POPDC3: variants seen among roughly 807,000 people sequenced by gnomAD.
POPDC3 encodes the protein popeye domain-containing protein 3.
Under a neutral mutation model 28.2 loss-of-function variants are expected in POPDC3, and 20 were observed. The observed-to-expected ratio is 0.71, with a 90% CI of 0.50 to 1.03. POPDC3 has a LOEUF of 1.03. Among genes scored for constraint, POPDC3 ranks in the 50% least tolerant of loss-of-function variants. The pLI is 0.00. For missense variants in POPDC3, 316 were observed against 345.9 expected (o/e 0.91, Z 0.69); for synonymous variants, 118 against 124.1 (o/e 0.95, Z 0.33).
chr6:105,168,951 G>A (rs1226826823), intron 1 of POPDC3: 1 of 152,176 alleles, frequency 6.6e-6, no homozygotes, highest in Non-Finnish European at 1.5e-5. Flanking sequence ...GCTTGGAAGA[G>A]GACCCCAAAC....
rs1026393141 is a variant in POPDC3 at position 105,179,076 on chromosome 6, A to C, written c.-252+757T>G. The C allele has an allele frequency of 3.0e-6, 3 of 985,344 alleles. No individual in the cohort carries two copies. In the African/African-American group the frequency reaches 5.2e-5, roughly 17 times the overall value. The allele number at this position is 985,344 out of a possible 1,614,324, so 61.0% of individuals were successfully genotyped here. A position where few individuals can be genotyped will look rare whatever the true frequency, so the allele number is the denominator to read the frequency against. ...ACTTTCTGCAAATGTCTTCTGGCTA[A>C]ATTTTTGGCACTGCCCCTCTTACTG... On this transcript the variant is annotated intron_variant, in intron 1 of 3. Transcript: ENST00000254765.
Position 105,158,734 on chromosome 6 carries a change from T to G in POPDC3, c.612A>C (p.Glu204Asp). 2 of 1,611,524 alleles carry G rather than the reference T, an allele frequency of 1.2e-6. No individual in the cohort carries two copies. The highest frequency in any genetic ancestry group is 1.7e-6 in the Non-Finnish European group (2 of 1,178,094). The stretch of plus-strand genomic sequence containing the variant: ...TCCAAGACACATATCGACAATCAGT[T>G]TCTGCAGTGAGGGTTACCTAAAAAA... ...EGIFQVTLTA[E>D]TDCRYVSWRR... Residue 204 changes from glutamate (E) to aspartate (D), a missense_variant, in exon 4 of 4, where the codon GAA becomes GAC. Coordinates refer to ENST00000254765, the MANE Select transcript of POPDC3 (RefSeq NM_022361.5).
At position 105,178,563 on chromosome 6, in the gene POPDC3, GACACACACACACACACACACAC is replaced by G. The variant is rs56060844; in HGVS notation, c.-252+1248_-252+1269del. ...AATATTTGTATCCCAAACTCCTGAA[GACACACACACACACACACACAC>G]ACACACACACACACACACACACACA... is the stretch of plus-strand genomic sequence containing the variant. On this transcript the variant is annotated intron_variant, in intron 1 of 3. Transcript: ENST00000254765. 3.3e-4 allele frequency: 50 copies of G among 153,064 alleles called. 1 individual carries two copies. The highest frequency in any genetic ancestry group is 4.0e-4 in the East Asian group (2 of 5,014). 9.5% of individuals were successfully genotyped at this position (153,064 alleles called of 1,614,324 possible).
intron 3 of POPDC3, 116 bp downstream of exon 3, chr6:105,159,595 T>C: frequency 4.7e-6 from 3 of 636,692 alleles, no homozygotes; most frequent in Non-Finnish European, 8.3e-6. Flanking sequence ...GCAAAGTACA[T>C]TCCAAAGTCT....
At chr6:105,179,659 A>G (rs958243330) in intron 1 of POPDC3, among the ~76,000 whole-genome samples, 174 bp downstream of exon 1, 1 of 152,038 alleles carries the variant, frequency 6.6e-6, no homozygotes, top group African/African-American at 2.4e-5. Context: ...AGTTGACCGG[A>G]GCCGGGAAGG....
intron 1 of POPDC3, among the ~76,000 whole-genome samples, chr6:105,177,834 A>G (rs1033693053): frequency 1.3e-5 from 2 of 152,180 alleles, no homozygotes; most frequent in African/African-American, 4.8e-5. Flanking sequence ...CAAAGTAAGA[A>G]AGTCTCGCTA....
chr6:105,173,088 A>G (rs1464485618), intron 1 of POPDC3, among the ~76,000 whole-genome samples: 1 of 152,208 alleles, frequency 6.6e-6, no homozygotes, highest in Non-Finnish European at 1.5e-5. Flanking sequence ...ACATTTTAAA[A>G]CAGTCTAAAG....
rs1283267484 is a variant in POPDC3, at chr6:105,162,001, T to C, written c.-92A>G. ...CTTTGGTTCTCCATCATGAGAGTTT[T>C]GTGCAGTCTTCACAAAACCAGAGAA... On this transcript the variant is annotated 5_prime_UTR_variant, in exon 2 of 4. Transcript: ENST00000254765. 9.9e-6 allele frequency: 15 copies of C among 1,514,564 alleles called. No homozygotes were observed. The East Asian group carries it at 2.9e-4, about 30-fold the overall frequency. The allele number at this position is 1,514,564 out of a possible 1,614,324, so 93.8% of individuals were successfully genotyped here. A position where few individuals can be genotyped will look rare whatever the true frequency, so the allele number is the denominator to read the frequency against.
intron 1 of POPDC3, among the ~76,000 whole-genome samples, chr6:105,170,564 T>C (rs1774554760): frequency 6.6e-6 from 1 of 152,178 alleles, no homozygotes; most frequent in Non-Finnish European, 1.5e-5. Flanking sequence ...TTAGGACTCT[T>C]TTAGTAGAGA....
chr6:105,171,558 C>A (rs181951155), intron 1 of POPDC3, among the ~76,000 whole-genome samples: 2 of 152,004 alleles, frequency 1.3e-5, no homozygotes, highest in Non-Finnish European at 2.9e-5. Flanking sequence ...GTATTCCCAG[C>A]TACCCAGGAG....
At chr6:105,159,873 T>G in intron 2 of POPDC3, 54 bp from the exon 3 acceptor site, 19 of 1,220,664 alleles carry the variant, frequency 1.6e-5, no homozygotes, top group East Asian at 2.6e-5. Context: ...GAGCACATAA[T>G]TGGGGAGGGG....
intron 1 of POPDC3, among the ~76,000 whole-genome samples, chr6:105,171,619 T>C (rs1172011517): frequency 6.6e-6 from 1 of 151,892 alleles, no homozygotes; most frequent in East Asian, 1.9e-4. Flanking sequence ...TGCAGAGAGC[T>C]GTGATCACGC....
In POPDC3 at chr6:105,158,723, C is replaced by T. The variant is rs200001271; in HGVS notation, c.623G>A (p.Arg208Gln). 5.6e-6 allele frequency: 9 copies of T among 1,612,948 alleles called. No homozygotes were observed. Among genetic ancestry groups the T allele is most frequent in the East Asian group, 2.2e-5 (1 of 44,866 alleles). Residue 208 changes from arginine (R) to glutamine (Q), a missense_variant, in exon 4 of 4, where the codon CGA becomes CAA. Transcript: ENST00000254765. ...QVTLTAETDCRYVSWRRKKLY... is the reference protein window; with the variant it reads ...QVTLTAETDCQYVSWRRKKLY... ...TTTCTTTCTCCTCCAAGACACATAT[C>T]GACAATCAGTTTCTGCAGTGAGGGT...
At chr6:105,165,616 G>A (rs1406064961) in intron 1 of POPDC3, among the ~76,000 whole-genome samples, 1 of 152,180 alleles carries the variant, frequency 6.6e-6, no homozygotes, top group East Asian at 1.9e-4. Flanking sequence ...ATGTTTAAGT[G>A]CAAAAACACA....
Position 105,179,679 on chromosome 6 carries a change from G to A in POPDC3, c.-252+154C>T, listed in dbSNP as rs535686054. 1.7e-3 allele frequency among the ~76,000 whole-genome samples: 255 copies of A among 152,150 alleles called. 2 individuals carry two copies. The highest frequency in any genetic ancestry group is 6.0e-3 in the African/African-American group (248 of 41,528). On this transcript the variant is annotated intron_variant, in intron 1 of 3. Transcript: ENST00000254765. ...ACCGGAGCCGGGAAGGGAGCGGCGC[G>A]GGCAGCGCGGGGCAGCGAGACGCAA...
intron 2 of POPDC3, chr6:105,160,046 A>G (rs1052855993): frequency 1.8e-5 from 6 of 335,296 alleles, no homozygotes; most frequent in African/African-American, 6.3e-5. Flanking sequence ...ATATTGAGTG[A>G]AATTCATCAG....
rs758687042 is a variant in POPDC3 at position 105,158,601 on chromosome 6, T to C, written c.745A>G (p.Arg249Gly). The C allele has an allele frequency of 6.2e-7, 1 of 1,614,166 alleles. No homozygotes were observed. Among genetic ancestry groups the C allele is most frequent in the Non-Finnish European group, 8.5e-7 (1 of 1,180,026 alleles). ...IADKLYALND[R>G]VYIGKRYHYD... Reference sequence around the variant, plus strand: ...TGATATCTTTTTCCTATATATACCCTGTCATTCAAGGCATAGAGTTTATCT... The same window carrying C: ...TGATATCTTTTTCCTATATATACCCCGTCATTCAAGGCATAGAGTTTATCT... Residue 249 changes from arginine to glycine, a missense_variant, in exon 4 of 4, where the codon AGG (arginine) becomes GGG (glycine). Transcript: ENST00000254765.
chr6:105,166,868 T>TTGTGTGTG (rs5878839), intron 1 of POPDC3, among the ~76,000 whole-genome samples: 30 of 149,052 alleles, frequency 2.0e-4, no homozygotes, highest in East Asian at 7.8e-4. Flanking sequence ...ACATAGATGG[T>TTGTGTGTG]TGTGTGTGTG....
intron 1 of POPDC3, among the ~76,000 whole-genome samples, chr6:105,172,962 A>G (rs1156599814): frequency 6.6e-6 from 1 of 152,052 alleles, no homozygotes; most frequent in Non-Finnish European, 1.5e-5. Flanking sequence ...GGTGCAGCAC[A>G]CCAACATGGC....
Sources: gnomAD v4.1 joint callset for allele counts (sites outside exome capture counted in the v4.1 genomes callset) on GRCh38, gnomAD v4.1.1 for gene constraint, MANE v1.5 for transcripts, NCBI Gene and HGNC (gene_info 2026-07-23, HGNC 2026-07-21) for gene names.